The following CATSPERT variants were observed in gnomAD, a reference collection of about 807,000 sequenced individuals.
CATSPERT encodes the protein catsper channel auxiliary subunit tau, also known as cation channel sperm-associated targeting subunit tau.
At chr2:201,558,892 T>C in the CATSPERT span, among the ~76,000 whole-genome samples, 1 of 152,140 alleles carries the variant, frequency 6.6e-6, no homozygotes, top group Non-Finnish European at 1.5e-5. Context: ...TACACCCCAG[T>C]TGCACAGAGC....
the CATSPERT span, among the ~76,000 whole-genome samples, chr2:201,508,562 C>G: frequency 1.3e-5 from 2 of 152,292 alleles, no homozygotes; most frequent in African/African-American, 4.8e-5. Flanking sequence ...TGCAACAGAT[C>G]TCAAAAATTT....
chr2:201,534,487 T>A, the CATSPERT span: 11 of 983,062 alleles, frequency 1.1e-5, no homozygotes, highest in Non-Finnish European at 1.2e-5. Context: ...ATACAAGTGG[T>A]TAATATCTTG....
chr2:201,618,529 G>C, the CATSPERT span, among the ~76,000 whole-genome samples: 20 of 146,166 alleles, frequency 1.4e-4, no homozygotes, highest in Admixed American at 4.1e-4. Flanking sequence ...TTGGACACGG[G>C]GGGGGAACAT....
chr2:201,618,901 T>C, the CATSPERT span: 1 of 1,613,590 alleles, frequency 6.2e-7, no homozygotes, highest in African/African-American at 1.3e-5. Context: ...CTCACTCACG[T>C]TCAGCAGCCG....
chr2:201,493,703 C>T, the CATSPERT span: 1 of 1,537,410 alleles, frequency 6.5e-7, no homozygotes. Context: ...TCTTTCACTT[C>T]TATCTCCAAT....
At chr2:201,585,075 C>CA in the CATSPERT span, among the ~76,000 whole-genome samples, 10 of 151,700 alleles carry the variant, frequency 6.6e-5, no homozygotes, top group African/African-American at 2.2e-4. Flanking sequence ...ATTCTATACT[C>CA]AAAAAAAATT....
chr2:201,614,960 A>G, the CATSPERT span, among the ~76,000 whole-genome samples: 1 of 152,230 alleles, frequency 6.6e-6, no homozygotes, highest in South Asian at 2.1e-4. Flanking sequence ...AAAGAGACAA[A>G]GAAGGACATT....
chr2:201,527,690 A>G, the CATSPERT span, among the ~76,000 whole-genome samples: 1 of 152,206 alleles, frequency 6.6e-6, no homozygotes, highest in Non-Finnish European at 1.5e-5. Flanking sequence ...TGGTGCTAGG[A>G]TAACTTGCTA....
At chr2:201,584,609 C>T in the CATSPERT span, among the ~76,000 whole-genome samples, 16 of 151,806 alleles carry the variant, frequency 1.1e-4, no homozygotes, top group Non-Finnish European at 2.1e-4. Context: ...ATGGTGAAAC[C>T]CCATCTTTAC....
the CATSPERT span, among the ~76,000 whole-genome samples, chr2:201,541,521 T>A: frequency 8.2e-6 from 1 of 121,938 alleles, no homozygotes; most frequent in Admixed American, 9.2e-5. Context: ...CACTGAAGGC[T>A]CAGATGATTT....
chr2:201,491,669 T>A, the CATSPERT span: 2 of 1,537,168 alleles, frequency 1.3e-6, no homozygotes, highest in South Asian at 2.4e-5. Flanking sequence ...CTTGGCATTC[T>A]GGCATTAGGA....
chr2:201,577,972 C>G, the CATSPERT span, among the ~76,000 whole-genome samples: 1 of 151,958 alleles, frequency 6.6e-6, no homozygotes, highest in Non-Finnish European at 1.5e-5. Context: ...ACATTGTACC[C>G]CATAAATATA....
At chr2:201,593,410 T>C in the CATSPERT span, among the ~76,000 whole-genome samples, 1 of 151,956 alleles carries the variant, frequency 6.6e-6, no homozygotes, top group African/African-American at 2.4e-5. Context: ...AACTATGTGG[T>C]CAATTTTGGA....
At chr2:201,568,068 C>CT in the CATSPERT span, among the ~76,000 whole-genome samples, 1 of 152,176 alleles carries the variant, frequency 6.6e-6, no homozygotes, top group Non-Finnish European at 1.5e-5. Context: ...TGTTGTATCT[C>CT]TTTTTTGTTG....
the CATSPERT span, among the ~76,000 whole-genome samples, chr2:201,570,229 G>C: frequency 1.3e-5 from 2 of 152,050 alleles, no homozygotes; most frequent in African/African-American, 4.8e-5. Flanking sequence ...AATAAACTCA[G>C]CCTGATCCAA....
At chr2:201,492,689 G>A in the CATSPERT span, 1 of 1,534,814 alleles carries the variant, frequency 6.5e-7, no homozygotes, top group Non-Finnish European at 8.7e-7. Flanking sequence ...TCTATGAAAT[G>A]ATGATTGAAA....
At chr2:201,503,050 G>T in the CATSPERT span, among the ~76,000 whole-genome samples, 1 of 151,872 alleles carries the variant, frequency 6.6e-6, no homozygotes, top group South Asian at 2.1e-4. Context: ...TTCCTTTGGG[G>T]TTAATTATAC....
the CATSPERT span, among the ~76,000 whole-genome samples, chr2:201,581,463 C>A: frequency 1.1e-5 from 1 of 94,720 alleles, no homozygotes; most frequent in Non-Finnish European, 2.1e-5. Flanking sequence ...TATGTATACA[C>A]ACACACATTC....
chr2:201,506,310 T>A, the CATSPERT span, among the ~76,000 whole-genome samples: 1 of 149,084 alleles, frequency 6.7e-6, no homozygotes, highest in African/African-American at 2.5e-5. Context: ...CAAGTCAACA[T>A]TTACAGATAA....
Sources: gnomAD v4.1 joint callset for allele counts (sites outside exome capture counted in the v4.1 genomes callset) on GRCh38, gnomAD v4.1.1 for gene constraint, MANE v1.5 for transcripts, NCBI Gene and HGNC (gene_info 2026-07-23, HGNC 2026-07-21) for gene names.